Variants in TOX observed in about 807,000 individuals in gnomAD.
TOX encodes thymocyte selection associated high mobility group box, also known as thymocyte selection-associated high mobility group box protein TOX.
A neutral mutation model predicts 53.7 loss-of-function variants in TOX; 11 were observed. The observed-to-expected ratio is 0.20, with a 90% confidence interval of 0.13 to 0.34. The LOEUF (loss-of-function observed/expected upper bound fraction) is 0.34. Among genes scored for constraint, TOX ranks in the 10% least tolerant of loss-of-function variants. The pLI is 1.00. For missense variants in TOX, 570 were observed against 664.6 expected, an observed-to-expected ratio of 0.86 and a Z score of 1.56; for synonymous variants, 225 against 245.3, an observed-to-expected ratio of 0.92 and a Z score of 0.77.
At chr8:59,051,621 T>C (rs942767339) in intron 1 of TOX, among the ~76,000 whole-genome samples, 10 of 152,052 alleles carry the variant, frequency 6.6e-5, no homozygotes, top group Non-Finnish European at 1.3e-4. Flanking sequence ...CTTGTAAATA[T>C]CCATGTCTCT....
intron 1 of TOX, among the ~76,000 whole-genome samples, chr8:58,988,789 G>A (rs981533519): frequency 6.6e-6 from 1 of 151,530 alleles, no homozygotes; most frequent in Non-Finnish European, 1.5e-5. Context: ...ATTTCATGCA[G>A]TATTTCCCAG....
chr8:58,893,756 A>G (rs1328057277), intron 3 of TOX, among the ~76,000 whole-genome samples: 1 of 152,232 alleles, frequency 6.6e-6, no homozygotes, highest in Non-Finnish European at 1.5e-5. Flanking sequence ...AAAGCTTTCA[A>G]AACTTCACCC....
chr8:59,112,732 G>A (rs1805037631), intron 1 of TOX, among the ~76,000 whole-genome samples: 1 of 152,148 alleles, frequency 6.6e-6, no homozygotes, highest in African/African-American at 2.4e-5. Context: ...TCAAACAGAA[G>A]CTTCTTGAGG....
At chr8:58,861,268 C>T (rs1463892167) in intron 3 of TOX, among the ~76,000 whole-genome samples, 1 of 152,194 alleles carries the variant, frequency 6.6e-6, no homozygotes, top group Non-Finnish European at 1.5e-5. Flanking sequence ...TCTAAAAGAG[C>T]TCTGGGGATC....
At chr8:58,922,681 C>T (rs1390900110) in intron 3 of TOX, among the ~76,000 whole-genome samples, 1 of 152,220 alleles carries the variant, frequency 6.6e-6, no homozygotes, top group Non-Finnish European at 1.5e-5. Flanking sequence ...TCTCACGGTG[C>T]TTCTAGTCTA....
At chr8:59,077,549 A>C (rs1184339178) in intron 1 of TOX, among the ~76,000 whole-genome samples, 1 of 152,086 alleles carries the variant, frequency 6.6e-6, no homozygotes, top group East Asian at 1.9e-4. Context: ...ATCCCTGAAT[A>C]ATATAGGCAT....
intron 1 of TOX, among the ~76,000 whole-genome samples, chr8:59,111,993 A>AT (rs1276547856): frequency 6.6e-6 from 1 of 152,172 alleles, no homozygotes; most frequent in Non-Finnish European, 1.5e-5. Flanking sequence ...ATCAGTGATG[A>AT]TTTTTTCATG....
intron 6 of TOX, among the ~76,000 whole-genome samples, chr8:58,824,973 A>C (rs1585845529): frequency 6.6e-6 from 1 of 152,332 alleles, no homozygotes; most frequent in African/African-American, 2.4e-5. Flanking sequence ...TAAATCTTTT[A>C]GAATAGGGAA....
chr8:59,003,812 T>C (rs1813739228), intron 1 of TOX, among the ~76,000 whole-genome samples: 2 of 152,218 alleles, frequency 1.3e-5, no homozygotes, highest in South Asian at 2.1e-4. Flanking sequence ...TGGGATGAAA[T>C]GCAAACATTT....
intron 1 of TOX, among the ~76,000 whole-genome samples, chr8:58,965,482 G>A (rs1024388442): frequency 6.6e-6 from 1 of 152,046 alleles, no homozygotes; most frequent in Admixed American, 6.6e-5. Context: ...AAAAATGGGC[G>A]ATATTAGGCT....
chr8:58,998,493 GTATATATATATATATATATATATATA>G (rs61434586), intron 1 of TOX, among the ~76,000 whole-genome samples: 3 of 63,616 alleles, frequency 4.7e-5, no homozygotes, highest in African/African-American at 1.1e-4. Context: ...CATCTCAAAA[GTATATATATATATATATATATATATA>G]TATATATATA....
At chr8:58,864,033 T>C (rs1039306617) in intron 3 of TOX, among the ~76,000 whole-genome samples, 9 of 152,040 alleles carry the variant, frequency 5.9e-5, no homozygotes, top group Non-Finnish European at 1.2e-4. Context: ...CCGGAGGCAA[T>C]ATAATTGACA....
chr8:59,030,405 A>G (rs556389819), intron 1 of TOX, among the ~76,000 whole-genome samples: 1 of 152,338 alleles, frequency 6.6e-6, no homozygotes, highest in South Asian at 2.1e-4. Context: ...AGTAAGTTGT[A>G]CATTGCTAAT....
In TOX at chr8:58,808,214, G is replaced by A. The variant is rs1822972498; in HGVS notation, c.1448C>T (p.Ala483Val). 3 of 1,614,124 alleles carry A rather than the reference G, an allele frequency of 1.9e-6. No individual in the cohort carries two copies. Among genetic ancestry groups the A allele is most frequent in the Non-Finnish European group, 2.5e-6 (3 of 1,179,982 alleles). ...CTCCATTGCCTGGGTGACAACTTGTGCAGCTGTAGATGTAGGATTGATAAT... is the reference window on the plus strand; with the variant it reads ...CTCCATTGCCTGGGTGACAACTTGTACAGCTGTAGATGTAGGATTGATAAT... The part of the protein sequence containing the change: ...QTIINPTSTA[A>V]QVVTQAMEYV... The change falls in exon 8 of 9, where the codon GCA (alanine) becomes GTA (valine). Residue 483 changes from alanine (A) to valine (V), a missense_variant. By Grantham distance (64) the Ala-to-Val change is moderately conservative (BLOSUM62 0). Around this residue, in one of 3 missense-constraint regions of TOX, gnomAD observed 239 missense variants for 250.7 expected, o/e 0.95. Transcript: ENST00000361421.
At chr8:59,068,117 A>C (rs1488104847) in intron 1 of TOX, among the ~76,000 whole-genome samples, 1 of 152,250 alleles carries the variant, frequency 6.6e-6, no homozygotes, top group Non-Finnish European at 1.5e-5. Flanking sequence ...TCATGAATTT[A>C]GAAGATGCTA....
chr8:58,958,140 G>A (rs1275062143), intron 2 of TOX, among the ~76,000 whole-genome samples: 1 of 152,120 alleles, frequency 6.6e-6, no homozygotes, highest in Non-Finnish European at 1.5e-5. Flanking sequence ...AAGCACAAAA[G>A]TATTTGGGGC....
intron 2 of TOX, among the ~76,000 whole-genome samples, chr8:58,953,532 A>G (rs1812659373): frequency 6.6e-6 from 1 of 152,298 alleles, no homozygotes; most frequent in Admixed American, 6.5e-5. Flanking sequence ...CCCATTGAAA[A>G]CTCAGCTTGT....
chr8:58,857,589 G>A (rs1810936794), intron 3 of TOX, among the ~76,000 whole-genome samples: 1 of 152,158 alleles, frequency 6.6e-6, no homozygotes, highest in Admixed American at 6.5e-5. Flanking sequence ...AGCCAAAGCT[G>A]AAGTCATGTA....
chr8:58,878,305 G>A (rs1811320804), intron 3 of TOX, among the ~76,000 whole-genome samples: 1 of 152,004 alleles, frequency 6.6e-6, no homozygotes, highest in Non-Finnish European at 1.5e-5. Context: ...CCAACTCCAA[G>A]CAATGTTCTT....
Sources: allele counts gnomAD v4.1 joint callset (sites outside exome capture counted in the v4.1 genomes callset), GRCh38; gene constraint gnomAD v4.1.1; regional missense constraint gnomAD v4.1.1; transcripts MANE v1.5; gene names NCBI Gene and HGNC (gene_info 2026-07-23, HGNC 2026-07-21).